ESR1: variants seen among roughly 807,000 people sequenced by gnomAD.
ESR1 encodes estrogen receptor 1.
Under a neutral mutation model 52.7 loss-of-function variants are expected in ESR1, and 12 were observed. That is an observed-to-expected ratio of 0.23 (90% CI 0.15 to 0.37). The LOEUF (loss-of-function observed/expected upper bound fraction) is 0.37. Ranked by LOEUF, ESR1 falls within the 10% of genes least tolerant of loss-of-function variation. ESR1 has a pLI of 1.00. For synonymous variants in ESR1, 305 were observed against 316.8 expected, an observed-to-expected ratio of 0.96 and a Z score of 0.39; for missense variants, 584 against 779.7, an observed-to-expected ratio of 0.75 and a Z score of 2.99.
intron 4 of ESR1, among the ~76,000 whole-genome samples, chr6:151,969,781 G>A (rs2038709340): frequency 6.6e-6 from 1 of 152,168 alleles, no homozygotes; most frequent in Admixed American, 6.5e-5. Flanking sequence ...GGACACTGGA[G>A]CTTGATGAAA....
At chr6:151,848,802 G>T (rs1785726438) in intron 2 of ESR1, among the ~76,000 whole-genome samples, 1 of 152,108 alleles carries the variant, frequency 6.6e-6, no homozygotes, top group East Asian at 1.9e-4. Context: ...ATATTAATCA[G>T]GTCCTATGGT....
chr6:151,711,693 T>C (rs973802464), intron 2 of ESR1, among the ~76,000 whole-genome samples: 3 of 152,350 alleles, frequency 2.0e-5, no homozygotes, highest in Non-Finnish European at 2.9e-5. Flanking sequence ...TCACCCACTT[T>C]TTGATGGGGT....
chr6:151,767,895 G>A (rs962827784), intron 2 of ESR1, among the ~76,000 whole-genome samples: 3 of 152,156 alleles, frequency 2.0e-5, no homozygotes, highest in Admixed American at 1.3e-4. Context: ...AGCAAACCTA[G>A]AAGGGGCATA....
intron 1 of ESR1, among the ~76,000 whole-genome samples, chr6:151,814,410 G>A (rs1779306266): frequency 1.3e-5 from 2 of 151,804 alleles, no homozygotes; most frequent in African/African-American, 4.8e-5. Context: ...ACCCTATTAA[G>A]CTTTCTTTTT....
chr6:152,106,040 G>C (rs566139599), downstream of ESR1, among the ~76,000 whole-genome samples: 1 of 151,500 alleles, frequency 6.6e-6, no homozygotes, highest in Non-Finnish European at 1.5e-5. Context: ...TGATCCACCC[G>C]CCTCGGCCTC....
chr6:152,096,376 A>G (rs192743662), intron 7 of ESR1, among the ~76,000 whole-genome samples: 2 of 152,348 alleles, frequency 1.3e-5, no homozygotes, highest in African/African-American at 2.4e-5. Context: ...TCAAATGGTA[A>G]GAAGTTTGCT....
chr6:151,941,340 A>G (rs2035032766), intron 3 of ESR1, among the ~76,000 whole-genome samples: 1 of 152,144 alleles, frequency 6.6e-6, no homozygotes. Context: ...TAGGTGTATA[A>G]ATCGTATTTG....
intron 3 of ESR1, among the ~76,000 whole-genome samples, chr6:151,899,965 A>G (rs968649373): frequency 1.4e-3 from 204 of 150,732 alleles, no homozygotes; most frequent in Non-Finnish European, 2.2e-3. Flanking sequence ...GCGGCCAGGC[A>G]GAGACGCTCC....
chr6:151,870,379 C>A (rs1178487286), intron 2 of ESR1, among the ~76,000 whole-genome samples: 1 of 152,008 alleles, frequency 6.6e-6, no homozygotes, highest in African/African-American at 2.4e-5. Context: ...AAATGCCCTC[C>A]CAATGATACC....
At chr6:152,050,393 G>A (rs2046586218) in intron 5 of ESR1, among the ~76,000 whole-genome samples, 1 of 152,086 alleles carries the variant, frequency 6.6e-6, no homozygotes, top group Admixed American at 6.5e-5. Context: ...ATGCAACATG[G>A]TTTTTACCTC....
At chr6:152,097,304 T>A (rs1323998815) in intron 7 of ESR1, among the ~76,000 whole-genome samples, 1 of 152,062 alleles carries the variant, frequency 6.6e-6, no homozygotes, top group African/African-American at 2.4e-5. Flanking sequence ...GAGAATTTAA[T>A]ATCAGATTTC....
intron 2 of ESR1, among the ~76,000 whole-genome samples, chr6:151,709,478 A>G (rs1225689742): frequency 2.0e-5 from 3 of 152,126 alleles, no homozygotes; most frequent in Non-Finnish European, 4.4e-5. Context: ...TACTGAATAC[A>G]TTCGCTTTGG....
At chr6:151,915,134 G>T (rs1468476070) in intron 3 of ESR1, among the ~76,000 whole-genome samples, 2 of 151,832 alleles carry the variant, frequency 1.3e-5, no homozygotes, top group East Asian at 1.9e-4. Flanking sequence ...GTCGGAGGTT[G>T]CAGTGAGCCG....
chr6:151,808,206 C>T lies in ESR1; in HGVS notation c.294C>T (p.Pro98=), dbSNP rs761971425. 6 of 1,573,888 alleles carry T rather than the reference C, an allele frequency of 3.8e-6. No homozygotes were observed. Among genetic ancestry groups the T allele is most frequent in the East Asian group, 2.3e-5 (1 of 42,820 alleles). ...GCTCCAACGGCCTGGGGGGTTTCCC[C>T]CCACTCAACAGCGTGTCTCCGAGCC... ...AFGSNGLGGF[P]PLNSVSPSPL... The change falls in exon 1 of 8, where the codon CCC becomes CCT. Residue 98 remains proline (P), a synonymous_variant. Coordinates refer to ENST00000206249, the MANE Select transcript of ESR1 (RefSeq NM_000125.4).
intron 4 of ESR1, among the ~76,000 whole-genome samples, chr6:151,980,457 A>G (rs2039882972): frequency 2.0e-5 from 3 of 152,134 alleles, no homozygotes; most frequent in Non-Finnish European, 4.4e-5. Context: ...GAAACAACAT[A>G]TGTTTTTTCC....
chr6:151,772,603 G>T (rs1053749262), intron 2 of ESR1, among the ~76,000 whole-genome samples: 2 of 152,206 alleles, frequency 1.3e-5, no homozygotes, highest in Non-Finnish European at 2.9e-5. Context: ...GGAGCTTTGA[G>T]TGCAGTGAGG....
chr6:151,995,268 T>C (rs946705255), intron 4 of ESR1, among the ~76,000 whole-genome samples: 1 of 152,290 alleles, frequency 6.6e-6, no homozygotes, highest in East Asian at 1.9e-4. Context: ...CCTGCTTGTT[T>C]GCCTTTCTTC....
At chr6:151,802,259 A>G (rs148514345), upstream of ESR1, among the ~76,000 whole-genome samples, 41 of 152,350 alleles carry the variant, frequency 2.7e-4, no homozygotes, top group Non-Finnish European at 5.1e-4. Context: ...GCAGAAACTT[A>G]AAGGGAAATT....
chr6:151,692,042 C>T (rs558579809), intron 1 of ESR1, among the ~76,000 whole-genome samples: 12 of 152,248 alleles, frequency 7.9e-5, no homozygotes, highest in South Asian at 2.1e-4. Context: ...AGAATACAAG[C>T]GTCGTATTTA....
Sources: gnomAD v4.1 joint callset for allele counts (sites outside exome capture counted in the v4.1 genomes callset) on GRCh38, gnomAD v4.1.1 for gene constraint, MANE v1.5 for transcripts, NCBI Gene and HGNC (gene_info 2026-07-23, HGNC 2026-07-21) for gene names.